Variants in HIPK2 observed in about 807,000 individuals in gnomAD.
HIPK2 encodes the protein homeodomain-interacting protein kinase 2.
Under a neutral mutation model 113.7 loss-of-function variants are expected in HIPK2, and 27 were observed. The ratio of observed to expected loss-of-function variants is 0.24; its 90% CI spans 0.17 to 0.33. The LOEUF is 0.33. Ranked by LOEUF, HIPK2 falls within the 10% of genes least tolerant of loss-of-function variation. HIPK2 has a pLI of 1.00. For synonymous variants in HIPK2, 631 were observed against 642.2 expected, an observed-to-expected ratio of 0.98 and a Z score of 0.26; for missense variants, 1,257 against 1,588.0, an observed-to-expected ratio of 0.79 and a Z score of 3.54.
In HIPK2 at chr7:139,777,658, G is replaced by T. The variant is rs1796805607; in HGVS notation, c.-35C>A. ...GGTGTCCGCGGTTCATGGCAACGGGGACGGGAAAGCGGCGCGCGAGCTCGG... is the reference window on the plus strand; with the variant it reads ...GGTGTCCGCGGTTCATGGCAACGGGTACGGGAAAGCGGCGCGCGAGCTCGG... On this transcript the variant is annotated 5_prime_UTR_variant, in exon 1 of 15. Transcript: ENST00000406875. The T allele has an allele frequency of 9.1e-7, 1 of 1,098,492 alleles. No individual in the cohort carries two copies. 68.0% of individuals were successfully genotyped at this position (1,098,492 alleles called of 1,614,324 possible). A position where few individuals can be genotyped will look rare whatever the true frequency, so the allele number is the denominator to read the frequency against.
intron 5 of HIPK2, among the ~76,000 whole-genome samples, chr7:139,627,582 G>A (rs1055841488): frequency 6.6e-6 from 1 of 152,144 alleles, no homozygotes; most frequent in South Asian, 2.1e-4. Flanking sequence ...GTATTTTCCA[G>A]GACATGGTCT....
At chr7:139,709,968 C>CG (rs1554448871) in intron 2 of HIPK2, among the ~76,000 whole-genome samples, 1 of 152,208 alleles carries the variant, frequency 6.6e-6, no homozygotes, top group African/African-American at 2.4e-5. Context: ...TTCATACTAT[C>CG]GGGGGGTAGA....
At position 139,631,388 on chromosome 7, in the gene HIPK2, G is replaced by A. The variant is rs1344535621; in HGVS notation, c.1228-104C>T. On this transcript the variant is annotated intron_variant, in intron 3 of 14. Coordinates refer to ENST00000406875, the MANE Select transcript of HIPK2 (RefSeq NM_022740.5). The surrounding 1 kb of genome is among the most constrained non-coding windows in gnomAD (Gnocchi z 4.9). Reference sequence around the variant, plus strand: ...GAGAAAAATGAAAATGACAATTTTTGTAGGGAAAGAAGTTAACAAAAAAGA... The same window carrying A: ...GAGAAAAATGAAAATGACAATTTTTATAGGGAAAGAAGTTAACAAAAAAGA... 2.7e-6 allele frequency: 4 copies of A among 1,469,208 alleles called. No homozygotes were observed. Among genetic ancestry groups the A allele is most frequent in the Admixed American group, 2.6e-5 (1 of 38,170 alleles). The allele number at this position is 1,469,208 out of a possible 1,614,324, so 91.0% of individuals were successfully genotyped here. A position where few individuals can be genotyped will look rare whatever the true frequency, so the allele number is the denominator to read the frequency against.
chr7:139,581,039 G>GT (rs375775511), intron 13 of HIPK2, among the ~76,000 whole-genome samples: 1,610 of 152,214 alleles, frequency 0.011, 40 homozygotes, highest in African/African-American at 0.038. Context: ...GGCTAACGCG[G>GT]TGAAACCCCA....
chr7:139,613,251 T>C lies in HIPK2; in HGVS notation c.2063A>G (p.Gln688Arg). 2 of 1,613,852 alleles carry C rather than the reference T, an allele frequency of 1.2e-6. No homozygotes were observed. Among genetic ancestry groups the C allele is most frequent in the Non-Finnish European group, 1.7e-6 (2 of 1,179,852 alleles). ...RMENAVPIVTQAPGAQPLQIQ... is the reference protein window; with the variant it reads ...RMENAVPIVTRAPGAQPLQIQ... ...CTGAAGAGGCTGAGCTCCTGGGGCT[T>C]GAGTGACGATGGGAACTGCATTTTC... Residue 688 changes from glutamine to arginine, a missense_variant, in exon 9 of 15, where the codon CAA becomes CGA. Around this residue, in one of 5 missense-constraint regions of HIPK2, gnomAD observed 862 missense variants for 1,004.3 expected, o/e 0.86. Transcript: ENST00000406875. This position sits in a 1 kb window ranked among gnomAD's most constrained non-coding sequence, Gnocchi z 4.2.
chr7:139,770,745 TG>T (rs1258292042), intron 1 of HIPK2, among the ~76,000 whole-genome samples: 1 of 152,218 alleles, frequency 6.6e-6, no homozygotes, highest in Non-Finnish European at 1.5e-5. Context: ...GCAGAAGAAT[TG>T]ATCAATCTTA....
At chr7:139,608,420 A>G (rs1252789544) in intron 9 of HIPK2, among the ~76,000 whole-genome samples, 1 of 150,396 alleles carries the variant, frequency 6.6e-6, no homozygotes, top group African/African-American at 2.4e-5. Context: ...GGGAGGAGAC[A>G]TTAAGGATGG....
Position 139,575,194 on chromosome 7 carries a change from G to A in HIPK2, c.3060C>T (p.Ala1020=). 1 of 1,589,086 alleles carries A rather than the reference G, an allele frequency of 6.3e-7. No individual in the cohort carries two copies. The highest frequency in any genetic ancestry group is 8.6e-7 in the Non-Finnish European group (1 of 1,168,048). ...SGHSSGSSSG[A]ITYRQQRPGP... The stretch of plus-strand genomic sequence containing the variant: ...CCGGCCGCTGCTGCCGGTAGGTGAT[G>A]GCTCCAGATGAGCTCCCTGAAGAGT... Residue 1020 remains alanine, a synonymous_variant, in exon 14 of 15, where the codon GCC becomes GCT. Transcript: ENST00000406875.
intron 12 of HIPK2, among the ~76,000 whole-genome samples, chr7:139,588,607 T>A (rs1032237442): frequency 5.3e-5 from 8 of 151,324 alleles, no homozygotes; most frequent in African/African-American, 1.9e-4. Context: ...AAAAAGGAAG[T>A]GGGACTCTAG....
rs1458295869 is a variant in HIPK2, at chr7:139,777,660, C to A, written c.-37G>T. The A allele has an allele frequency of 3.6e-5, 39 of 1,077,964 alleles. No homozygotes were observed. Among genetic ancestry groups the A allele is most frequent in the Non-Finnish European group, 4.0e-5 (36 of 889,210 alleles). 66.8% of individuals were successfully genotyped at this position (1,077,964 alleles called of 1,614,324 possible). ...TGTCCGCGGTTCATGGCAACGGGGACGGGAAAGCGGCGCGCGAGCTCGGCC... is the reference window on the plus strand; with the variant it reads ...TGTCCGCGGTTCATGGCAACGGGGAAGGGAAAGCGGCGCGCGAGCTCGGCC... On this transcript the variant is annotated 5_prime_UTR_variant, in exon 1 of 15. Transcript: ENST00000406875.
At chr7:139,688,254 T>C (rs1369282258) in intron 2 of HIPK2, among the ~76,000 whole-genome samples, 2 of 152,246 alleles carry the variant, frequency 1.3e-5, no homozygotes, top group Non-Finnish European at 2.9e-5. Flanking sequence ...GACTCATTCA[T>C]CGAGATCAAG....
chr7:139,677,710 T>A (rs990678750), intron 2 of HIPK2, among the ~76,000 whole-genome samples: 12 of 152,196 alleles, frequency 7.9e-5, no homozygotes, highest in Non-Finnish European at 1.6e-4. Flanking sequence ...TTTCCCCTAA[T>A]GCTATCCCTC....
intron 14 of HIPK2, among the ~76,000 whole-genome samples, chr7:139,573,616 C>T (rs1187238663): frequency 1.2e-4 from 18 of 151,948 alleles, no homozygotes; most frequent in Non-Finnish European, 2.2e-4. Context: ...CAGAGGTGGG[C>T]GGATCACCTG....
intron 2 of HIPK2, among the ~76,000 whole-genome samples, chr7:139,673,774 G>A (rs775770410): frequency 6.6e-6 from 1 of 151,570 alleles, no homozygotes; most frequent in Non-Finnish European, 1.5e-5. Flanking sequence ...TGGACAGGGC[G>A]TGGTGGCTCA....
chr7:139,706,584 G>A (rs1370196358), intron 2 of HIPK2, among the ~76,000 whole-genome samples: 1 of 152,162 alleles, frequency 6.6e-6, no homozygotes, highest in Non-Finnish European at 1.5e-5. Flanking sequence ...GAGTAACTGA[G>A]CTCAACCTGC....
At chr7:139,744,523 AAAAGCT>A (rs1252794717) in intron 1 of HIPK2, among the ~76,000 whole-genome samples, 1 of 152,272 alleles carries the variant, frequency 6.6e-6, no homozygotes, top group Non-Finnish European at 1.5e-5. Flanking sequence ...TGAACAGGCT[AAAAGCT>A]GATGAGCTGT....
At chr7:139,573,479 G>T in intron 14 of HIPK2, 82 bp from the exon 15 acceptor site, 2 of 1,283,866 alleles carry the variant, frequency 1.6e-6, no homozygotes, top group Non-Finnish European at 2.2e-6. Flanking sequence ...GGAGGGCAGG[G>T]AGGAGGAAGA....
At chr7:139,666,932 G>A (rs974063063) in intron 2 of HIPK2, among the ~76,000 whole-genome samples, 1 of 151,966 alleles carries the variant, frequency 6.6e-6, no homozygotes, top group Non-Finnish European at 1.5e-5. Flanking sequence ...GTAGTGGCAG[G>A]ATCCTGTAAT....
chr7:139,742,654 T>C (rs1401678883), intron 1 of HIPK2, among the ~76,000 whole-genome samples: 1 of 152,200 alleles, frequency 6.6e-6, no homozygotes, highest in East Asian at 1.9e-4. Context: ...GGACAGCAGA[T>C]TTTCTGAGGG....
Sources: allele counts gnomAD v4.1 joint callset (sites outside exome capture counted in the v4.1 genomes callset), GRCh38; gene constraint gnomAD v4.1.1; regional missense constraint gnomAD v4.1.1; non-coding constraint Gnocchi (gnomAD v3.1); transcripts MANE v1.5; gene names NCBI Gene and HGNC (gene_info 2026-07-23, HGNC 2026-07-21).